ITGA8: variants seen among roughly 807,000 people sequenced by gnomAD.
ITGA8 encodes integrin alpha-8.
ITGA8 carries 91 observed loss-of-function variants against 142.3 expected under a neutral mutation model. That is an observed-to-expected ratio of 0.64 (90% CI 0.54 to 0.76). The LOEUF is 0.76. Among genes scored for constraint, ITGA8 ranks in the 30% least tolerant of loss-of-function variants. ITGA8 has a pLI of 0.00. For synonymous variants in ITGA8, 505 were observed against 485.2 expected, an observed-to-expected ratio of 1.04 and a Z score of -0.54; for missense variants, 1,406 against 1,327.7, an observed-to-expected ratio of 1.06 and a Z score of -0.92.
At chr10:15,544,034 C>T (rs966144153) in intron 27 of ITGA8, among the ~76,000 whole-genome samples, 7 of 152,262 alleles carry the variant, frequency 4.6e-5, no homozygotes, top group East Asian at 1.9e-4. Flanking sequence ...GTGGTTCATG[C>T]GGCTAAGCCC....
At chr10:15,650,240 G>T (rs950757302) in intron 11 of ITGA8, among the ~76,000 whole-genome samples, 28 of 152,002 alleles carry the variant, frequency 1.8e-4, no homozygotes, top group Admixed American at 6.6e-4. Context: ...AACTCTGAAG[G>T]CAGCAAAAAA....
At chr10:15,620,193 G>A (rs1833463423) in intron 13 of ITGA8, among the ~76,000 whole-genome samples, 1 of 152,154 alleles carries the variant, frequency 6.6e-6, no homozygotes, top group Admixed American at 6.5e-5. Context: ...AAGTAATAAT[G>A]TAATAATAAA....
chr10:15,530,476 G>A (rs1404567336), intron 28 of ITGA8, among the ~76,000 whole-genome samples: 2 of 129,370 alleles, frequency 1.5e-5, no homozygotes, highest in African/African-American at 2.9e-5. Flanking sequence ...AACCTCGGAG[G>A]CAACGGTTGC....
intron 9 of ITGA8, among the ~76,000 whole-genome samples, chr10:15,660,527 G>C (rs1156545297): frequency 6.6e-6 from 1 of 152,202 alleles, no homozygotes; most frequent in African/African-American, 2.4e-5. Context: ...CTTCAATTAT[G>C]ATGGTTCAAC....
intron 20 of ITGA8, among the ~76,000 whole-genome samples, chr10:15,599,058 C>T (rs1833056751): frequency 6.8e-6 from 1 of 147,468 alleles, no homozygotes; most frequent in African/African-American, 2.5e-5. Context: ...CCTTGAATTA[C>T]ATTCAAGGAT....
rs5783458 is a variant in ITGA8 at position 15,611,491 on chromosome 10, C to CTTT, written c.1553+2166_1553+2168dup. 1.1e-3 allele frequency: 119 copies of CTTT among 109,886 alleles called. 1 individual carries two copies. The highest frequency in any genetic ancestry group is 3.2e-3 in the African/African-American group (102 of 32,306). The allele number at this position is 109,886 out of a possible 1,614,324, so 6.8% of individuals were successfully genotyped here. A position where few individuals can be genotyped will look rare whatever the true frequency, so the allele number is the denominator to read the frequency against. The stretch of plus-strand genomic sequence containing the variant: ...TCTTTCCATAAAACCAAACAGAACT[C>CTTT]TTTTTTTTTTTTTTTTTTGAGACAG... On this transcript the variant is annotated intron_variant, in intron 15 of 29. Transcript: ENST00000378076.
chr10:15,601,763 A>G (rs1457907604), intron 20 of ITGA8, among the ~76,000 whole-genome samples: 3 of 152,226 alleles, frequency 2.0e-5, no homozygotes, highest in East Asian at 1.9e-4. Context: ...AATGTTTTCA[A>G]CAAAACAATA....
chr10:15,534,068 G>A (rs182158873), intron 27 of ITGA8, among the ~76,000 whole-genome samples: 1 of 146,446 alleles, frequency 6.8e-6, no homozygotes, highest in African/African-American at 2.7e-5. Context: ...CACCATGCTT[G>A]GCTAATTTTT....
chr10:15,656,609 C>A (rs1490876169), intron 10 of ITGA8, among the ~76,000 whole-genome samples: 1 of 152,068 alleles, frequency 6.6e-6, no homozygotes, highest in Non-Finnish European at 1.5e-5. Context: ...GGTGATCCAC[C>A]CACTCGGCCT....
chr10:15,626,826 G>A (rs55854736), intron 13 of ITGA8, among the ~76,000 whole-genome samples: 1 of 152,206 alleles, frequency 6.6e-6, no homozygotes, highest in African/African-American at 2.4e-5. Flanking sequence ...GAGAGGCTTA[G>A]AGGAAACCAA....
chr10:15,607,928 A>T, intron 16 of ITGA8, 97 bp from the exon 17 acceptor site: 1 of 1,094,156 alleles, frequency 9.1e-7, no homozygotes, highest in Non-Finnish European at 1.3e-6. Flanking sequence ...TTCAGGAAAC[A>T]GTTCTTTTTC....
chr10:15,683,931 C>A (rs1385294232), intron 4 of ITGA8, 73 bp downstream of exon 4: 2 of 1,555,692 alleles, frequency 1.3e-6, no homozygotes, highest in African/African-American at 1.4e-5. Context: ...GTGTTTTGAG[C>A]CTACCTGCAC....
rs45526844 is a variant in ITGA8, at chr10:15,624,773, G to A, written c.1400-8214C>T. Among the ~76,000 whole-genome samples, 127 of 152,234 alleles carry A rather than the reference G, an allele frequency of 8.3e-4. 1 individual carries two copies. The highest frequency in any genetic ancestry group is 1.4e-3 in the Admixed American group (21 of 15,280). On this transcript the variant is annotated intron_variant, in intron 13 of 29. Coordinates refer to ENST00000378076, the MANE Select transcript of ITGA8 (RefSeq NM_003638.3). Reference sequence around the variant, plus strand: ...AGTTGTTTAGATAAACCAACCCAAGGTTGGCTCACTTTCATACAATGATGA... The same window carrying A: ...AGTTGTTTAGATAAACCAACCCAAGATTGGCTCACTTTCATACAATGATGA...
intron 21 of ITGA8, among the ~76,000 whole-genome samples, chr10:15,593,924 C>T (rs923264707): frequency 6.6e-6 from 1 of 151,622 alleles, no homozygotes; most frequent in Admixed American, 6.6e-5. Flanking sequence ...TCACTGCAAC[C>T]TCCACCTCCC....
chr10:15,541,296 G>C (rs1257844052), intron 27 of ITGA8, among the ~76,000 whole-genome samples: 1 of 152,306 alleles, frequency 6.6e-6, no homozygotes, highest in African/African-American at 2.4e-5. Flanking sequence ...TCTGAATGAA[G>C]CCAAGAATGC....
At chr10:15,711,592 T>C (rs1564420451) in intron 2 of ITGA8, among the ~76,000 whole-genome samples, 1 of 152,124 alleles carries the variant, frequency 6.6e-6, no homozygotes, top group Admixed American at 6.6e-5. Context: ...TGGGTTTTCA[T>C]AAATACAGGC....
chr10:15,634,359 A>G (rs545945166), intron 13 of ITGA8, among the ~76,000 whole-genome samples: 1 of 152,026 alleles, frequency 6.6e-6, no homozygotes, highest in African/African-American at 2.4e-5. Context: ...CCATTAACTG[A>G]TTTATACATA....
At chr10:15,620,308 T>TACACAC (rs4030584) in intron 13 of ITGA8, among the ~76,000 whole-genome samples, 536 of 150,916 alleles carry the variant, frequency 3.6e-3, no homozygotes, top group Admixed American at 8.4e-3. Context: ...GGTGTTGAGA[T>TACACAC]ACACACACAC....
chr10:15,675,579 T>G (rs1409831891), intron 6 of ITGA8, among the ~76,000 whole-genome samples: 1 of 152,234 alleles, frequency 6.6e-6, no homozygotes, highest in Admixed American at 6.5e-5. Flanking sequence ...TGTAACAACC[T>G]TGTAACTACT....
Sources: allele counts gnomAD v4.1 joint callset (sites outside exome capture counted in the v4.1 genomes callset), GRCh38; gene constraint gnomAD v4.1.1; transcripts MANE v1.5; gene names NCBI Gene and HGNC (gene_info 2026-07-23, HGNC 2026-07-21).